Variants in MTMR14 observed in about 807,000 individuals in gnomAD.
MTMR14 encodes the protein myotubularin related protein 14.
MTMR14 carries 48 observed loss-of-function variants against 86.3 expected under a neutral mutation model. That is an observed-to-expected ratio of 0.56 (90% CI 0.44 to 0.71). MTMR14 has a LOEUF of 0.71. Ranked by LOEUF, MTMR14 falls within the 30% of genes least tolerant of loss-of-function variation. The probability of loss-of-function intolerance (pLI) is 0.00; values close to 1 mark genes in which losing one functional copy is unlikely to be tolerated. For missense variants in MTMR14, 780 were observed against 834.6 expected (o/e 0.93, Z 0.81); for synonymous variants, 366 against 326.1 (o/e 1.12, Z -1.32).
chr3:9,658,442 A>G (rs551307505), intron 2 of MTMR14, among the ~76,000 whole-genome samples: 1 of 152,330 alleles, frequency 6.6e-6, no homozygotes, highest in Non-Finnish European at 1.5e-5. Context: ...GACCTCAGGG[A>G]TCAAGTTGGA....
intron 9 of MTMR14, among the ~76,000 whole-genome samples, chr3:9,678,747 G>C (rs2075664145): frequency 6.6e-6 from 1 of 152,166 alleles, no homozygotes; most frequent in African/African-American, 2.4e-5. Flanking sequence ...CCTTATCCCT[G>C]GCGAGTTGGA....
chr3:9,674,332 C>G (rs1402803578), intron 7 of MTMR14, among the ~76,000 whole-genome samples: 1 of 152,178 alleles, frequency 6.6e-6, no homozygotes, highest in Non-Finnish European at 1.5e-5. Context: ...AGGTATTTTT[C>G]TAATAATTGG....
intron 6 of MTMR14, 35 bp from the exon 7 acceptor site, chr3:9,672,650 G>A (rs762536436): frequency 6.4e-7 from 1 of 1,553,820 alleles, no homozygotes; most frequent in East Asian, 2.2e-5. Flanking sequence ...TGTGTGTGTT[G>A]CGACACTGTA....
At chr3:9,678,281 CTCAT>C (rs1340354583) in intron 9 of MTMR14, among the ~76,000 whole-genome samples, 4 of 152,228 alleles carry the variant, frequency 2.6e-5, no homozygotes, top group Non-Finnish European at 4.4e-5. Flanking sequence ...CTGAACGTGA[CTCAT>C]TCAAAGATTT....
chr3:9,696,272 C>T (rs1297201474), intron 17 of MTMR14, among the ~76,000 whole-genome samples: 3 of 152,128 alleles, frequency 2.0e-5, no homozygotes, highest in African/African-American at 4.8e-5. Flanking sequence ...CTGAGGCAGG[C>T]GGATCACCAG....
intron 2 of MTMR14, among the ~76,000 whole-genome samples, chr3:9,661,320 A>G (rs2047916634): frequency 6.6e-6 from 1 of 152,188 alleles, no homozygotes; most frequent in Non-Finnish European, 1.5e-5. Flanking sequence ...ACCTCAGATC[A>G]TGAGGCATTA....
rs373789816 is a variant in MTMR14 at position 9,677,951 on chromosome 3, A to G, written c.823-33A>G. ...TCACCTAAGCCTCCTCTGGTGGCCA[A>G]CCCACATCTCACAGGAGTCTTTCTG... is the stretch of plus-strand genomic sequence containing the variant. On this transcript the variant is annotated intron_variant, in intron 8 of 18. Coordinates refer to ENST00000296003, the MANE Select transcript of MTMR14 (RefSeq NM_001077525.3). The surrounding 1 kb of genome is among the most constrained non-coding windows in gnomAD (Gnocchi z 4.2). The G allele has an allele frequency of 3.1e-6, 5 of 1,610,740 alleles. 1 individual carries two copies. Among genetic ancestry groups the G allele is most frequent in the Middle Eastern group, 1.7e-4 (1 of 6,056 alleles).
intron 13 of MTMR14, among the ~76,000 whole-genome samples, chr3:9,686,363 A>G (rs1467837298): frequency 1.3e-5 from 2 of 152,148 alleles, no homozygotes; most frequent in Non-Finnish European, 2.9e-5. Flanking sequence ...GACAAAGCAG[A>G]CCAGATCTGC....
intron 18 of MTMR14, among the ~76,000 whole-genome samples, chr3:9,698,136 T>C (rs773357458): frequency 4.3e-4 from 65 of 152,386 alleles, no homozygotes; most frequent in Middle Eastern, 3.4e-3. Context: ...ACTGTAACTA[T>C]AGAAGATTCT....
At chr3:9,689,127 G>A (rs1275067813) in intron 16 of MTMR14, 45 bp downstream of exon 16, 34 of 1,600,842 alleles carry the variant, frequency 2.1e-5, no homozygotes, top group Middle Eastern at 1.7e-4. Context: ...GCTGTGGCCC[G>A]GGGCCATCAG....
intron 2 of MTMR14, among the ~76,000 whole-genome samples, chr3:9,654,753 C>T (rs924081424): frequency 5.3e-5 from 8 of 152,208 alleles, no homozygotes; most frequent in Admixed American, 5.2e-4. Flanking sequence ...GCTAGCAGTG[C>T]ATTCAATAAC....
In MTMR14 at chr3:9,677,927, C is replaced by A; in HGVS notation, c.823-57C>A. 1.3e-6 allele frequency: 2 copies of A among 1,531,214 alleles called. No homozygotes were observed. 94.9% of individuals were successfully genotyped at this position (1,531,214 alleles called of 1,614,324 possible). On this transcript the variant is annotated intron_variant, in intron 8 of 18. Transcript: ENST00000296003. The surrounding 1 kb of genome is among the most constrained non-coding windows in gnomAD (Gnocchi z 4.2). ...GCCTCAGGACTGCAAGCTTCCCCAT[C>A]ACCTAAGCCTCCTCTGGTGGCCAAC...
At chr3:9,650,366 C>T in intron 1 of MTMR14, 1 of 456,696 alleles carries the variant, frequency 2.2e-6, no homozygotes, top group Non-Finnish European at 4.4e-6. Flanking sequence ...CCTGTCAGCT[C>T]AGGCCATCCC....
At chr3:9,661,222 C>T (rs73811558) in intron 2 of MTMR14, among the ~76,000 whole-genome samples, 4,814 of 152,286 alleles carry the variant, frequency 0.032, 251 homozygotes, top group African/African-American at 0.11. Flanking sequence ...ACAGCACTCC[C>T]CAACCTTTTT....
intron 13 of MTMR14, among the ~76,000 whole-genome samples, chr3:9,687,106 A>G (rs2075984096): frequency 6.6e-6 from 1 of 152,100 alleles, no homozygotes; most frequent in Non-Finnish European, 1.5e-5. Context: ...TGCTTTGTCC[A>G]TTATTCTCCC....
At chr3:9,699,835 TCTCC>T (rs2076397709) in intron 18 of MTMR14, 1 of 152,192 alleles carries the variant, frequency 6.6e-6, no homozygotes, top group African/African-American at 2.4e-5. Context: ...TTGGTCTGTT[TCTCC>T]CTCGTATGCT....
chr3:9,675,378 C>T, intron 7 of MTMR14: 1 of 257,234 alleles, frequency 3.9e-6, no homozygotes, highest in Non-Finnish European at 7.9e-6. Context: ...TTACTATTAC[C>T]CAAACCAAGT....
intron 9 of MTMR14, among the ~76,000 whole-genome samples, chr3:9,678,512 G>A (rs1254452361): frequency 2.6e-5 from 4 of 152,180 alleles, no homozygotes; most frequent in Non-Finnish European, 5.9e-5. Flanking sequence ...AGTCTTACTG[G>A]AAACATCTCT....
chr3:9,684,669 CTG>C lies in MTMR14; in HGVS notation c.1050+2_1050+3del, dbSNP rs1353734517. ...TCCCTCCTGCGCCTTTCCTTGTGGG[CTG>C]TGAGTATGAATCGGCCCCTACCAAG... On this transcript the variant is annotated splice_donor_variant and coding_sequence_variant, in exon 11 of 19. Transcript: ENST00000296003. LOFTEE classifies it high-confidence loss of function. 1 of 1,614,112 alleles carries C rather than the reference CTG, an allele frequency of 6.2e-7. No homozygotes were observed. The highest frequency in any genetic ancestry group is 1.1e-5 in the South Asian group (1 of 91,082).
Sources: allele counts gnomAD v4.1 joint callset (sites outside exome capture counted in the v4.1 genomes callset), GRCh38; gene constraint gnomAD v4.1.1; non-coding constraint Gnocchi (gnomAD v3.1); transcripts MANE v1.5; gene names NCBI Gene and HGNC (gene_info 2026-07-23, HGNC 2026-07-21).